MACROD2: variants seen among roughly 807,000 people sequenced by gnomAD.
The protein encoded by MACROD2 is mono-ADP ribosylhydrolase 2.
Under a neutral mutation model 70.4 loss-of-function variants are expected in MACROD2, and 36 were observed. That is an observed-to-expected ratio of 0.51 (90% CI 0.39 to 0.68). The LOEUF (loss-of-function observed/expected upper bound fraction) is 0.68, where lower values mean the gene tolerates loss of function less well. Among genes scored for constraint, MACROD2 ranks in the 30% least tolerant of loss-of-function variants. The pLI is 0.00. For missense variants in MACROD2, 496 were observed against 538.4 expected (o/e 0.92, Z 0.78); for synonymous variants, 172 against 178.8 (o/e 0.96, Z 0.30).
intron 6 of MACROD2, among the ~76,000 whole-genome samples, chr20:15,267,818 T>C (rs369055276): frequency 3.3e-5 from 5 of 152,286 alleles, no homozygotes; most frequent in African/African-American, 1.2e-4. Context: ...GGGAGGAGCC[T>C]GGCCTCTCCG....
chr20:15,588,044 C>G (rs910650137), intron 8 of MACROD2, among the ~76,000 whole-genome samples: 2 of 152,176 alleles, frequency 1.3e-5, no homozygotes, highest in African/African-American at 4.8e-5. Context: ...CCATGAGGGC[C>G]CTGCTCCTGC....
At chr20:15,629,569 C>T (rs1250448571) in intron 8 of MACROD2, among the ~76,000 whole-genome samples, 4 of 152,244 alleles carry the variant, frequency 2.6e-5, no homozygotes, top group African/African-American at 9.6e-5. Context: ...GCTCTTTCCA[C>T]ATCTTTCAGC....
chr20:15,282,682 C>T (rs1274893153), intron 6 of MACROD2, among the ~76,000 whole-genome samples: 1 of 152,168 alleles, frequency 6.6e-6, no homozygotes, highest in African/African-American at 2.4e-5. Context: ...ACTTTTTGGT[C>T]AAAACCCATT....
At chr20:14,401,406 G>A (rs1372772272) in intron 3 of MACROD2, among the ~76,000 whole-genome samples, 2 of 152,110 alleles carry the variant, frequency 1.3e-5, no homozygotes, top group Non-Finnish European at 2.9e-5. Flanking sequence ...AACTGAAAGA[G>A]CAAATTTTAA....
intron 4 of MACROD2, among the ~76,000 whole-genome samples, chr20:14,670,664 A>G (rs892875602): frequency 1.3e-5 from 2 of 152,192 alleles, no homozygotes; most frequent in Admixed American, 1.3e-4. Context: ...CAGAAACACC[A>G]TCCACATCCT....
In MACROD2 at chr20:15,819,304, A is replaced by AAT. The variant is rs555741438; in HGVS notation, c.646-43433_646-43432dup. On this transcript the variant is annotated intron_variant, in intron 8 of 17. Coordinates refer to ENST00000684519, the MANE Select transcript of MACROD2 (RefSeq NM_001351661.2). ...TATATATTTTATATATAAGTATATAAATATATATACTTATATATAAATATA... is the reference window on the plus strand; with the variant it reads ...TATATATTTTATATATAAGTATATAAATATATATATACTTATATATAAATATA... Among the ~76,000 whole-genome samples, 942 of 142,632 alleles carry AAT rather than the reference A, an allele frequency of 6.6e-3. 3 individuals are homozygous for AAT. The highest frequency in any genetic ancestry group is 0.028 in the South Asian group (130 of 4,688). The allele number at this position is 142,632 out of a possible 152,430, so 93.6% of individuals were successfully genotyped here.
chr20:14,986,475 A>G (rs1829439319), intron 5 of MACROD2, among the ~76,000 whole-genome samples: 1 of 152,168 alleles, frequency 6.6e-6, no homozygotes, highest in Non-Finnish European at 1.5e-5. Flanking sequence ...CATTCAAATC[A>G]CATATTAGCC....
At chr20:14,331,373 T>A (rs565407992) in intron 3 of MACROD2, among the ~76,000 whole-genome samples, 34 of 152,242 alleles carry the variant, frequency 2.2e-4, no homozygotes, top group African/African-American at 6.7e-4. Context: ...TGTTTTACAT[T>A]TGTGAAGCTG....
intron 2 of MACROD2, among the ~76,000 whole-genome samples, chr20:14,071,391 G>A (rs1416940875): frequency 3.4e-5 from 5 of 149,212 alleles, no homozygotes; most frequent in African/African-American, 1.2e-4. Context: ...CTCCCCAGTT[G>A]CTGGGACTAC....
At chr20:14,114,003 T>C (rs1317806842) in intron 3 of MACROD2, among the ~76,000 whole-genome samples, 2 of 152,154 alleles carry the variant, frequency 1.3e-5, no homozygotes, top group Admixed American at 1.3e-4. Context: ...TATAATTCTA[T>C]CTTTAGGTAT....
intron 6 of MACROD2, among the ~76,000 whole-genome samples, chr20:15,319,139 C>T (rs1012016150): frequency 2.0e-5 from 3 of 152,062 alleles, no homozygotes; most frequent in African/African-American, 7.2e-5. Context: ...CATCAATACA[C>T]ACAAATCAGT....
chr20:15,613,782 A>G (rs1262411707), intron 8 of MACROD2, among the ~76,000 whole-genome samples: 1 of 152,204 alleles, frequency 6.6e-6, no homozygotes, highest in Admixed American at 6.5e-5. Context: ...CTTGCCTCTT[A>G]GTGACCCTGT....
At chr20:14,715,293 T>C (rs2071385021) in intron 5 of MACROD2, among the ~76,000 whole-genome samples, 1 of 152,080 alleles carries the variant, frequency 6.6e-6, no homozygotes, top group Non-Finnish European at 1.5e-5. Context: ...TCCCACTGGG[T>C]CCCTCTCACC....
chr20:15,421,423 G>A (rs1049899189), intron 6 of MACROD2, among the ~76,000 whole-genome samples: 2 of 152,170 alleles, frequency 1.3e-5, no homozygotes, highest in Admixed American at 1.3e-4. Flanking sequence ...CAGGTTGCAT[G>A]TTACAGCAAA....
chr20:15,959,520 T>G (rs892465088), intron 12 of MACROD2, among the ~76,000 whole-genome samples: 1 of 152,158 alleles, frequency 6.6e-6, no homozygotes, highest in Non-Finnish European at 1.5e-5. Flanking sequence ...AAAGTAATAT[T>G]TGTTTTTTGT....
At chr20:14,187,400 C>T (rs1343885904) in intron 3 of MACROD2, among the ~76,000 whole-genome samples, 1 of 152,072 alleles carries the variant, frequency 6.6e-6, no homozygotes, top group African/African-American at 2.4e-5. Context: ...TCAAAAGGAA[C>T]TGATTGGAAG....
chr20:15,800,437 T>A (rs1236042633), intron 8 of MACROD2, among the ~76,000 whole-genome samples: 1 of 152,252 alleles, frequency 6.6e-6, no homozygotes, highest in Non-Finnish European at 1.5e-5. Flanking sequence ...TCTATATCTT[T>A]AATTCATTTT....
intron 8 of MACROD2, among the ~76,000 whole-genome samples, chr20:15,585,492 G>A (rs1174845857): frequency 1.1e-4 from 16 of 152,032 alleles, no homozygotes; most frequent in Non-Finnish European, 1.9e-4. Flanking sequence ...CACCATGCCC[G>A]GCCTGGAGCG....
rs143344733 is a variant in MACROD2, at chr20:14,043,903, C to T, written c.163+41499C>T. ...AGTGTTATGAACCAGGATCCATGGG[C>T]GAAAACCTGTGTCATCTATCTTTCA... On this transcript the variant is annotated intron_variant, in intron 2 of 17. Transcript: ENST00000684519. 4.1e-3 allele frequency among the ~76,000 whole-genome samples: 620 copies of T among 152,218 alleles called. 1 individual carries two copies. Among genetic ancestry groups the T allele is most frequent in the East Asian group, 0.01 (52 of 5,178 alleles).
Sources: allele counts gnomAD v4.1 joint callset (sites outside exome capture counted in the v4.1 genomes callset), GRCh38; gene constraint gnomAD v4.1.1; transcripts MANE v1.5; gene names NCBI Gene and HGNC (gene_info 2026-07-23, HGNC 2026-07-21).